MBD5: variants seen among roughly 807,000 people sequenced by gnomAD.
MBD5 encodes methyl-CpG binding domain protein 5, also known as methyl-CpG-binding domain protein 5.
In MBD5, 13 loss-of-function variants were observed where a neutral mutation model predicts 117.3. The observed-to-expected ratio is 0.11, with a 90% CI of 0.07 to 0.18. The LOEUF is 0.18. Among genes scored for constraint, MBD5 ranks in the 10% least tolerant of loss-of-function variants. MBD5 has a pLI of 1.00. For missense variants in MBD5, 1,879 were observed against 2,093.8 expected (o/e 0.90, Z 2.00); for synonymous variants, 727 against 766.4 (o/e 0.95, Z 0.85).
At chr2:148,239,333 G>A (rs1477379740) in intron 3 of MBD5, among the ~76,000 whole-genome samples, 1 of 151,794 alleles carries the variant, frequency 6.6e-6, no homozygotes, top group Non-Finnish European at 1.5e-5. Flanking sequence ...CTATCATTTT[G>A]CTTGCTTTGT....
intron 1 of MBD5, chr2:148,026,255 AAC>A (rs1480993655): frequency 6.6e-6 from 1 of 152,150 alleles, no homozygotes; most frequent in East Asian, 1.9e-4. Context: ...TCTAATTCAA[AAC>A]ACAGTCACAG....
At chr2:148,441,140 A>C (rs967771784) in intron 4 of MBD5, among the ~76,000 whole-genome samples, 4 of 152,046 alleles carry the variant, frequency 2.6e-5, no homozygotes, top group Admixed American at 2.6e-4. Flanking sequence ...GTTCTAGGGT[A>C]CATGTGCACA....
At chr2:148,294,980 T>G (rs1341626460) in intron 3 of MBD5, among the ~76,000 whole-genome samples, 1 of 152,190 alleles carries the variant, frequency 6.6e-6, no homozygotes, top group African/African-American at 2.4e-5. Flanking sequence ...CGTTCAAGAT[T>G]TTCTCTCCCT....
chr2:148,434,017 C>T (rs1315809709), intron 4 of MBD5, among the ~76,000 whole-genome samples: 2 of 151,464 alleles, frequency 1.3e-5, no homozygotes, highest in African/African-American at 4.9e-5. Context: ...TCCATCTGGT[C>T]CTGGGTTTTT....
chr2:148,073,127 T>C (rs993426041), intron 1 of MBD5, among the ~76,000 whole-genome samples: 3 of 152,140 alleles, frequency 2.0e-5, no homozygotes, highest in African/African-American at 7.2e-5. Flanking sequence ...TTGCACTTCT[T>C]AGAAGTGTGA....
chr2:148,414,110 A>G (rs1026832575), intron 4 of MBD5, among the ~76,000 whole-genome samples: 5 of 152,264 alleles, frequency 3.3e-5, no homozygotes, highest in Admixed American at 6.5e-5. Flanking sequence ...ATTTAGTGCT[A>G]TAAACGTTTC....
intron 4 of MBD5, among the ~76,000 whole-genome samples, chr2:148,352,604 A>T (rs886223068): frequency 6.6e-6 from 1 of 152,088 alleles, no homozygotes; most frequent in East Asian, 1.9e-4. Context: ...AAAATATTTT[A>T]TGAGTAGAAT....
At chr2:148,218,417 C>G (rs1699607774) in intron 2 of MBD5, among the ~76,000 whole-genome samples, 1 of 152,156 alleles carries the variant, frequency 6.6e-6, no homozygotes, top group Non-Finnish European at 1.5e-5. Flanking sequence ...ATTCAATTAG[C>G]TAAGAGAAGT....
At chr2:148,400,399 T>C (rs1300651012) in intron 4 of MBD5, among the ~76,000 whole-genome samples, 2 of 152,232 alleles carry the variant, frequency 1.3e-5, no homozygotes, top group East Asian at 1.9e-4. Context: ...AGTTATTTTC[T>C]CCAACTCTAA....
chr2:148,479,296 G>A (rs1681069140), intron 8 of MBD5, among the ~76,000 whole-genome samples: 1 of 152,046 alleles, frequency 6.6e-6, no homozygotes, highest in Non-Finnish European at 1.5e-5. Flanking sequence ...TTATCTCCTG[G>A]CATTGGACTA....
At chr2:148,426,572 A>C (rs1199288405) in intron 4 of MBD5, among the ~76,000 whole-genome samples, 1 of 152,128 alleles carries the variant, frequency 6.6e-6, no homozygotes, top group Non-Finnish European at 1.5e-5. Context: ...TATTTAATAA[A>C]TGGTGCTGGG....
intron 1 of MBD5, chr2:148,054,778 G>A (rs1164176294): frequency 1.3e-5 from 2 of 152,220 alleles, no homozygotes; most frequent in Non-Finnish European, 2.9e-5. Context: ...CCTTGGGTAT[G>A]TTTAGGTGGA....
At position 148,158,010 on chromosome 2, in the gene MBD5, G is replaced by A. The variant is rs559269885; in HGVS notation, c.-924-20690G>A. 1.2e-4 allele frequency among the ~76,000 whole-genome samples: 18 copies of A among 151,812 alleles called. No homozygotes were observed. In the South Asian group the frequency reaches 3.7e-3, roughly 31 times the overall value. On this transcript the variant is annotated intron_variant, in intron 1 of 13. Transcript: ENST00000642680. ...GTCATTGAATTGTGCACTTTAAAAT[G>A]GTTAATTTTACATTATATGAATTTC...
chr2:148,280,381 T>G (rs1358411273), intron 3 of MBD5, among the ~76,000 whole-genome samples: 2 of 152,176 alleles, frequency 1.3e-5, no homozygotes, highest in African/African-American at 2.4e-5. Context: ...TCACAGTTAC[T>G]TCTTATGTCC....
intron 4 of MBD5, among the ~76,000 whole-genome samples, chr2:148,360,031 T>TGAATTTATTC (rs1285135590): frequency 9.7e-4 from 148 of 152,258 alleles, no homozygotes; most frequent in African/African-American, 3.2e-3. Flanking sequence ...ATAAATTCAC[T>TGAATTTATTC]AGATTTCAAG....
intron 1 of MBD5, among the ~76,000 whole-genome samples, chr2:148,069,847 A>G (rs1245614735): frequency 6.6e-6 from 1 of 152,080 alleles, no homozygotes; most frequent in Non-Finnish European, 1.5e-5. Flanking sequence ...TATGGGTTAC[A>G]AGTGGTATTT....
intron 2 of MBD5, among the ~76,000 whole-genome samples, chr2:148,198,332 C>A (rs13395141): frequency 6.6e-6 from 1 of 151,892 alleles, no homozygotes; most frequent in Non-Finnish European, 1.5e-5. Flanking sequence ...ACAACTCTAC[C>A]ACCAAATTTC....
At chr2:148,084,606 A>G (rs934021968) in intron 1 of MBD5, among the ~76,000 whole-genome samples, 3 of 152,222 alleles carry the variant, frequency 2.0e-5, no homozygotes, top group Admixed American at 6.5e-5. Flanking sequence ...TTTTAGGGCT[A>G]AGTAATTAAT....
intron 4 of MBD5, chr2:148,347,388 C>T (rs1703148463): frequency 6.6e-6 from 1 of 151,930 alleles, no homozygotes; most frequent in Non-Finnish European, 1.5e-5. Context: ...AAAAGAAAAT[C>T]AGCATTAGCT....
Sources: gnomAD v4.1 joint callset for allele counts (sites outside exome capture counted in the v4.1 genomes callset) on GRCh38, gnomAD v4.1.1 for gene constraint, MANE v1.5 for transcripts, NCBI Gene and HGNC (gene_info 2026-07-23, HGNC 2026-07-21) for gene names.